The following KCNH5 variants were observed in gnomAD, a reference collection of about 807,000 sequenced individuals.
KCNH5 encodes the protein potassium voltage-gated channel subfamily H member 5.
Under a neutral mutation model 96.1 loss-of-function variants are expected in KCNH5, and 46 were observed. The observed-to-expected ratio is 0.48, with a 90% CI of 0.38 to 0.61. The LOEUF (loss-of-function observed/expected upper bound fraction) is 0.61. Ranked by LOEUF, KCNH5 falls within the 20% of genes least tolerant of loss-of-function variation. The probability of loss-of-function intolerance (pLI) is 0.00; values close to 1 mark genes in which losing one functional copy is unlikely to be tolerated. For synonymous variants in KCNH5, 439 were observed against 449.8 expected, an observed-to-expected ratio of 0.98 and a Z score of 0.30; for missense variants, 907 against 1,225.8, an observed-to-expected ratio of 0.74 and a Z score of 3.88.
At chr14:62,720,789 G>A (rs946357984) in intron 10 of KCNH5, among the ~76,000 whole-genome samples, 1 of 152,124 alleles carries the variant, frequency 6.6e-6, no homozygotes, top group African/African-American at 2.4e-5. Context: ...AAGGACAAAT[G>A]GTAGTGCCAT....
intron 10 of KCNH5, among the ~76,000 whole-genome samples, chr14:62,767,948 C>T (rs550436399): frequency 7.2e-5 from 11 of 152,226 alleles, no homozygotes; most frequent in East Asian, 3.9e-4. Flanking sequence ...AGTGAAACAA[C>T]GCAGAAACAG....
At chr14:62,979,222 T>C (rs562514629) in intron 6 of KCNH5, among the ~76,000 whole-genome samples, 2 of 152,278 alleles carry the variant, frequency 1.3e-5, no homozygotes, top group East Asian at 1.9e-4. Flanking sequence ...AAATACTGCT[T>C]ATTGTCCCCT....
intron 8 of KCNH5, among the ~76,000 whole-genome samples, chr14:62,823,035 T>C (rs571671769): frequency 6.6e-6 from 1 of 152,034 alleles, no homozygotes; most frequent in Non-Finnish European, 1.5e-5. Flanking sequence ...GACTGTAGAA[T>C]CCTGGTCTAA....
intron 10 of KCNH5, among the ~76,000 whole-genome samples, chr14:62,713,552 T>C (rs191279782): frequency 6.6e-6 from 1 of 152,338 alleles, no homozygotes; most frequent in East Asian, 1.9e-4. Context: ...TACTGCAAGG[T>C]AAGAGAGTAT....
chr14:62,932,942 A>G (rs1049533569), intron 7 of KCNH5, among the ~76,000 whole-genome samples: 3 of 152,142 alleles, frequency 2.0e-5, no homozygotes, highest in Non-Finnish European at 2.9e-5. Flanking sequence ...AATCTCAAAA[A>G]ATTCTTTTAT....
chr14:62,784,299 G>C (rs1353599089), intron 9 of KCNH5, among the ~76,000 whole-genome samples: 1 of 152,126 alleles, frequency 6.6e-6, no homozygotes, highest in African/African-American at 2.4e-5. Context: ...TTTCCACCTG[G>C]CTCTGCCCTT....
intron 8 of KCNH5, among the ~76,000 whole-genome samples, chr14:62,838,253 G>C (rs887924221): frequency 6.6e-6 from 1 of 152,136 alleles, no homozygotes; most frequent in Non-Finnish European, 1.5e-5. Flanking sequence ...ATGTTAACTA[G>C]AACAGGAGAC....
chr14:62,894,937 C>A (rs770136808), intron 7 of KCNH5, among the ~76,000 whole-genome samples: 1 of 152,096 alleles, frequency 6.6e-6, no homozygotes, highest in Non-Finnish European at 1.5e-5. Context: ...CTATAGATAA[C>A]GAATCCTATA....
intron 6 of KCNH5, among the ~76,000 whole-genome samples, chr14:62,959,595 G>A (rs1482741979): frequency 2.0e-5 from 3 of 151,928 alleles, no homozygotes; most frequent in Non-Finnish European, 4.4e-5. Context: ...AAAACAGATT[G>A]TTTGTCTTAT....
intron 1 of KCNH5, among the ~76,000 whole-genome samples, chr14:63,024,117 G>A (rs1459264989): frequency 6.6e-6 from 1 of 152,000 alleles, no homozygotes; most frequent in Non-Finnish European, 1.5e-5. Flanking sequence ...GCTGCGGCAG[G>A]AGAATCACTT....
At chr14:63,038,283 G>A (rs546235006) in intron 1 of KCNH5, among the ~76,000 whole-genome samples, 2 of 152,300 alleles carry the variant, frequency 1.3e-5, no homozygotes, top group Admixed American at 6.5e-5. Flanking sequence ...TATGTGCTCT[G>A]CACAGTGGAG....
intron 7 of KCNH5, among the ~76,000 whole-genome samples, chr14:62,937,303 G>A (rs1228476544): frequency 2.0e-5 from 3 of 152,116 alleles, no homozygotes; most frequent in Admixed American, 2.0e-4. Flanking sequence ...TGACCTGTCT[G>A]TCTTCTTTCA....
At chr14:62,727,635 G>A (rs894454158) in intron 10 of KCNH5, among the ~76,000 whole-genome samples, 2 of 151,900 alleles carry the variant, frequency 1.3e-5, no homozygotes, top group Non-Finnish European at 2.9e-5. Context: ...GTGGAAGCAG[G>A]CCCTCTCATA....
chr14:62,725,890 G>A (rs1884914827), intron 10 of KCNH5, among the ~76,000 whole-genome samples: 1 of 152,156 alleles, frequency 6.6e-6, no homozygotes, highest in South Asian at 2.1e-4. Flanking sequence ...GATTTATACT[G>A]CCCCATATTT....
chr14:62,976,227 T>C (rs1024799804), intron 6 of KCNH5, among the ~76,000 whole-genome samples: 3 of 151,804 alleles, frequency 2.0e-5, no homozygotes, highest in Admixed American at 6.6e-5. Flanking sequence ...GGTGAAACCC[T>C]GTCTCTACTA....
intron 2 of KCNH5, 114 bp from the exon 3 acceptor site, chr14:63,006,586 G>A: frequency 1.6e-6 from 1 of 637,338 alleles, no homozygotes; most frequent in Non-Finnish European, 2.8e-6. Flanking sequence ...ATATAATATT[G>A]CTCCTACACA....
intron 10 of KCNH5, among the ~76,000 whole-genome samples, chr14:62,765,210 A>G (rs1291778133): frequency 6.6e-6 from 1 of 152,232 alleles, no homozygotes; most frequent in Non-Finnish European, 1.5e-5. Flanking sequence ...TAACCCAGTT[A>G]TAAATCCACA....
chr14:62,999,871 A>C (rs1890980226), intron 4 of KCNH5, among the ~76,000 whole-genome samples: 1 of 137,040 alleles, frequency 7.3e-6, no homozygotes, highest in Non-Finnish European at 1.5e-5. Flanking sequence ...AATAATAATA[A>C]AAAAAAAAGG....
chr14:62,872,696 G>GA (rs1566689456), intron 7 of KCNH5, among the ~76,000 whole-genome samples: 3 of 150,562 alleles, frequency 2.0e-5, no homozygotes. Flanking sequence ...CCATCTTAAA[G>GA]AAAAAATCTA....
Sources: gnomAD v4.1 joint callset for allele counts (sites outside exome capture counted in the v4.1 genomes callset) on GRCh38, gnomAD v4.1.1 for gene constraint, MANE v1.5 for transcripts, NCBI Gene and HGNC (gene_info 2026-07-23, HGNC 2026-07-21) for gene names.